The following TVP23C variants were observed in gnomAD, a reference collection of about 807,000 sequenced individuals.
TVP23C encodes the protein trans-golgi network vesicle protein 23 homolog C.
A neutral mutation model predicts 28.7 loss-of-function variants in TVP23C; 19 were observed. The observed-to-expected ratio is 0.66, with a 90% CI of 0.46 to 0.97. The LOEUF is 0.97. TVP23C is among the 50% of genes least tolerant of loss of function. The probability of loss-of-function intolerance (pLI) is 0.00; values close to 1 mark genes in which losing one functional copy is unlikely to be tolerated. For synonymous variants in TVP23C, 68 were observed against 81.7 expected, an observed-to-expected ratio of 0.83 and a Z score of 0.90; for missense variants, 186 against 241.3, an observed-to-expected ratio of 0.77 and a Z score of 1.52.
chr17:15,530,171 T>A (rs1395579502), intron 5 of TVP23C, among the ~76,000 whole-genome samples: 1 of 152,252 alleles, frequency 6.6e-6, no homozygotes, highest in Non-Finnish European at 1.5e-5. Flanking sequence ...TGGGAGTCAC[T>A]TGTGGGATAT....
chr17:15,514,898 T>G (rs1362977202), intron 5 of TVP23C, among the ~76,000 whole-genome samples: 2 of 152,122 alleles, frequency 1.3e-5, no homozygotes, highest in Non-Finnish European at 2.9e-5. Flanking sequence ...AACAGGGAAG[T>G]GCACATGGCT....
Position 15,537,436 on chromosome 17 carries a change from T to A in TVP23C, c.*2976A>T, listed in dbSNP as rs1983201054. 6 of 985,288 alleles carry A rather than the reference T, an allele frequency of 6.1e-6. No individual in the cohort carries two copies. In the South Asian group the frequency reaches 1.9e-4, roughly 31 times the overall value. The allele number at this position is 985,288 out of a possible 1,614,324, so 61.0% of individuals were successfully genotyped here. ...GAACTTTCAATCTAGCTATCCTTTC[T>A]GTAAAATAAATAGAATAGCAGCAAT... On this transcript the variant is annotated 3_prime_UTR_variant, in exon 6 of 6. Transcript: ENST00000518321.
Position 15,539,716 on chromosome 17 carries a change from A to G in TVP23C, c.*696T>C. The G allele has an allele frequency of 2.0e-6, 2 of 985,394 alleles. No individual in the cohort carries two copies. The highest frequency in any genetic ancestry group is 2.4e-6 in the Non-Finnish European group (2 of 829,910). The allele number at this position is 985,394 out of a possible 1,614,324, so 61.0% of individuals were successfully genotyped here. ...AACCCTGATGTTGAGGTATTATAGTAAAATCCTTATGTTCTAGGGGGAAAA... is the reference window on the plus strand; with the variant it reads ...AACCCTGATGTTGAGGTATTATAGTGAAATCCTTATGTTCTAGGGGGAAAA... On this transcript the variant is annotated 3_prime_UTR_variant, in exon 6 of 6. Transcript: ENST00000518321.
chr17:15,556,698 G>A (rs1414615886), intron 1 of TVP23C, among the ~76,000 whole-genome samples: 1 of 152,064 alleles, frequency 6.6e-6, no homozygotes, highest in African/African-American at 2.4e-5. Context: ...TCAATTCACT[G>A]CAATTCCCCT....
At chr17:15,542,457 ATTATTTTTATTTAT>A (rs765627278) in intron 5 of TVP23C, among the ~76,000 whole-genome samples, 3,655 of 151,908 alleles carry the variant, frequency 0.024, 137 homozygotes, top group African/African-American at 0.077. Context: ...ATTTATTTTT[ATTATTTTTATTTAT>A]TTATTTTTAT....
At chr17:15,504,588 G>T (rs1407672422) in intron 5 of TVP23C, among the ~76,000 whole-genome samples, 1 of 152,024 alleles carries the variant, frequency 6.6e-6, no homozygotes, top group Admixed American at 6.6e-5. Flanking sequence ...TAAGAGACAG[G>T]GTCTCGTGCT....
rs577756169 is a variant in TVP23C at position 15,550,635 on chromosome 17, T to C, written c.240+3050A>G. ...TTTCTAATATTTCCAATTTTTTTAC[T>C]ATACATAGTTTGATATAATTTTACT... On this transcript the variant is annotated intron_variant, in intron 3 of 5. Transcript: ENST00000518321. 2.2e-3 allele frequency among the ~76,000 whole-genome samples: 334 copies of C among 152,340 alleles called. 1 individual carries two copies. The highest frequency in any genetic ancestry group is 7.9e-3 in the African/African-American group (327 of 41,590).
chr17:15,502,817 TCTC>T, exon 6 of TVP23C: 1 of 1,430,082 alleles, frequency 7.0e-7, no homozygotes, highest in Non-Finnish European at 9.4e-7. Context: ...CTCCTCTCTC[TCTC>T]TCTCTCTCTC....
At chr17:15,506,674 G>A (rs1981761283) in intron 5 of TVP23C, among the ~76,000 whole-genome samples, 1 of 152,166 alleles carries the variant, frequency 6.6e-6, no homozygotes, top group Non-Finnish European at 1.5e-5. Context: ...CACCGCAAAG[G>A]TCTGCAGCTT....
chr17:15,547,265 T>C, intron 3 of TVP23C, 117 bp from the exon 4 acceptor site: 9 of 1,428,900 alleles, frequency 6.3e-6, no homozygotes, highest in Non-Finnish European at 8.5e-6. Flanking sequence ...ACCTCCATAA[T>C]ATCCAGTTAG....
chr17:15,541,410 T>C (rs1460076621), intron 5 of TVP23C, among the ~76,000 whole-genome samples: 3 of 152,104 alleles, frequency 2.0e-5, no homozygotes, highest in African/African-American at 4.8e-5. Flanking sequence ...ATAGACAATA[T>C]ATAAGTGGGC....
At chr17:15,563,289 A>T (rs1264089282) in intron 1 of TVP23C, 148 bp downstream of exon 1, 1 of 1,430,128 alleles carries the variant, frequency 7.0e-7, no homozygotes, top group East Asian at 2.5e-5. Context: ...CCCTCCTCAG[A>T]CAACTACCCA....
At chr17:15,562,677 C>T (rs1984453047) in intron 1 of TVP23C, 1 of 152,224 alleles carries the variant, frequency 6.6e-6, no homozygotes, top group South Asian at 2.1e-4. Flanking sequence ...ATTTCATCAC[C>T]CTGCCTTTGC....
intron 1 of TVP23C, among the ~76,000 whole-genome samples, chr17:15,560,426 G>A (rs1417285838): frequency 1.3e-5 from 2 of 149,576 alleles, no homozygotes; most frequent in Non-Finnish European, 3.0e-5. Context: ...GTACAGTTGG[G>A]AGAGGGGAAG....
At chr17:15,506,432 G>A (rs1597500731) in intron 5 of TVP23C, among the ~76,000 whole-genome samples, 1 of 152,258 alleles carries the variant, frequency 6.6e-6, no homozygotes, top group East Asian at 1.9e-4. Flanking sequence ...TCTAGCTCAG[G>A]GATTGTAAAC....
chr17:15,563,452 G>A lies in TVP23C; in HGVS notation c.-4C>T, dbSNP rs1415705250. On this transcript the variant is annotated 5_prime_UTR_variant, in exon 1 of 6. Coordinates refer to ENST00000518321, the MANE Select transcript of TVP23C (RefSeq NM_001135036.2). ...AGCCCCTCACCTGCTGCAACATGGCGGCCCTACGCCAGCCCTGCTTCCAGG... is the reference window on the plus strand; with the variant it reads ...AGCCCCTCACCTGCTGCAACATGGCAGCCCTACGCCAGCCCTGCTTCCAGG... 1.9e-6 allele frequency: 3 copies of A among 1,588,872 alleles called. No homozygotes were observed. Among genetic ancestry groups the A allele is most frequent in the South Asian group, 1.1e-5 (1 of 87,106 alleles).
downstream of TVP23C, among the ~76,000 whole-genome samples, chr17:15,534,009 C>T (rs532711372): frequency 3.9e-5 from 6 of 152,354 alleles, no homozygotes; most frequent in South Asian, 1.2e-3. Flanking sequence ...CTCCACCACA[C>T]TCAGAGTGGC....
At chr17:15,552,775 G>C (rs547811128) in intron 3 of TVP23C, among the ~76,000 whole-genome samples, 3 of 152,186 alleles carry the variant, frequency 2.0e-5, no homozygotes, top group Non-Finnish European at 4.4e-5. Context: ...ATCAGTATAT[G>C]TCTCTGAAAC....
rs1323355958 is a variant in TVP23C, at chr17:15,538,931, C to T, written c.*1481G>A. 5 of 985,836 alleles carry T rather than the reference C, an allele frequency of 5.1e-6. No homozygotes were observed. Among genetic ancestry groups the T allele is most frequent in the Non-Finnish European group, 6.0e-6 (5 of 829,914 alleles). The allele number at this position is 985,836 out of a possible 1,614,324, so 61.1% of individuals were successfully genotyped here. ...CCTACATGAATATTCATTTTCTCTA[C>T]TTTTCATCTTCTGTGAGAGAAACTG... is the stretch of plus-strand genomic sequence containing the variant. On this transcript the variant is annotated 3_prime_UTR_variant, in exon 6 of 6. Coordinates refer to ENST00000518321, the MANE Select transcript of TVP23C (RefSeq NM_001135036.2).
Sources: allele counts gnomAD v4.1 joint callset (sites outside exome capture counted in the v4.1 genomes callset), GRCh38; gene constraint gnomAD v4.1.1; transcripts MANE v1.5; gene names NCBI Gene and HGNC (gene_info 2026-07-23, HGNC 2026-07-21).